The following SFPQ variants were observed in gnomAD, a reference collection of about 807,000 sequenced individuals.
SFPQ encodes splicing factor, proline- and glutamine-rich.
SFPQ carries 11 observed loss-of-function variants against 72.9 expected under a neutral mutation model. The observed-to-expected ratio is 0.15, with a 90% CI of 0.09 to 0.25. SFPQ has a LOEUF of 0.25. Ranked by LOEUF, SFPQ falls within the 10% of genes least tolerant of loss-of-function variation. SFPQ has a pLI of 1.00. For synonymous variants in SFPQ, 506 were observed against 367.3 expected (o/e 1.38, Z -4.32); for missense variants, 847 against 993.3 (o/e 0.85, Z 1.98).
At chr1:35,190,419 C>A in intron 4 of SFPQ, 79 bp downstream of exon 4, 1 of 1,033,294 alleles carries the variant, frequency 9.7e-7, no homozygotes, top group Non-Finnish European at 1.4e-6. Context: ...ATATTTTAAG[C>A]AAAATTGGAA....
At chr1:35,191,771 G>C (rs112202602) in intron 1 of SFPQ, among the ~76,000 whole-genome samples, 4 of 147,946 alleles carry the variant, frequency 2.7e-5, no homozygotes, top group Admixed American at 6.7e-5. Flanking sequence ...ATCAGCAACT[G>C]TCACCCACAT....
At position 35,190,610 on chromosome 1, in the gene SFPQ, T is replaced by C. The variant is rs1411178735; in HGVS notation, c.1320-17A>G. The stretch of plus-strand genomic sequence containing the variant: ...CGAGGAGTTCTAATAACAAAAATGG[T>C]TCCATCTTAGCTTTGTTCCAGTTTT... On this transcript the variant is annotated splice_polypyrimidine_tract_variant and intron_variant, in intron 3 of 9. Transcript: ENST00000357214. 6.2e-7 allele frequency: 1 copy of C among 1,609,660 alleles called. No individual in the cohort carries two copies. The highest frequency in any genetic ancestry group is 8.5e-7 in the Non-Finnish European group (1 of 1,176,932).
chr1:35,191,220 T>C (rs1166124542), intron 2 of SFPQ, 121 bp downstream of exon 2: 2 of 922,308 alleles, frequency 2.2e-6, no homozygotes, highest in African/African-American at 1.7e-5. Context: ...GTAAGAATGG[T>C]GAAAAATCTA....
intron 5 of SFPQ, 39 bp from the exon 6 acceptor site, chr1:35,189,126 T>TGAA (rs1639870008): frequency 1.2e-6 from 2 of 1,613,178 alleles, no homozygotes; most frequent in Non-Finnish European, 1.7e-6. Flanking sequence ...ATTAACAAGG[T>TGAA]TCTAATAAGG....
chr1:35,191,546 G>A lies in SFPQ; in HGVS notation c.829-17C>T, dbSNP rs756851336. The stretch of plus-strand genomic sequence containing the variant: ...TTTAAACCCCTAATGAAAAAGGAAA[G>A]AAGTTTTCAAACACCAGAGACCTCT... On this transcript the variant is annotated splice_polypyrimidine_tract_variant and intron_variant, in intron 1 of 9. Coordinates refer to ENST00000357214, the MANE Select transcript of SFPQ (RefSeq NM_005066.3). 8.1e-6 allele frequency: 13 copies of A among 1,597,406 alleles called. No homozygotes were observed. In the African/African-American group the frequency reaches 9.5e-5, roughly 12 times the overall value.
At chr1:35,180,743 TAG>T (rs1329567602), downstream of SFPQ, 6 of 1,060,338 alleles carry the variant, frequency 5.7e-6, no homozygotes, top group African/African-American at 6.6e-5. Context: ...TTTGCTACAA[TAG>T]AGACTAATTA....
chr1:35,183,540 C>G lies in SFPQ; in HGVS notation c.*916G>C. The G allele has an allele frequency of 9.8e-7, 1 of 1,015,878 alleles. No individual in the cohort carries two copies. Among genetic ancestry groups the G allele is most frequent in the Non-Finnish European group, 1.2e-6 (1 of 847,680 alleles). The allele number at this position is 1,015,878 out of a possible 1,614,324, so 62.9% of individuals were successfully genotyped here. On this transcript the variant is annotated 3_prime_UTR_variant, in exon 10 of 10. Coordinates refer to ENST00000357214, the MANE Select transcript of SFPQ (RefSeq NM_005066.3). ...CCCAGTTACTAAACCTTCTTACTTT[C>G]AAGTTTTGTTTTTTAGACTACACCC...
rs1640086206 is a variant in SFPQ, at chr1:35,192,641, G to A, written c.409C>T (p.Pro137Ser). The change falls in exon 1 of 10, where the codon CCA (proline) becomes TCA (serine). Residue 137 changes from proline (P) to serine (S), a missense_variant. By Grantham distance (74) the Pro-to-Ser change is moderately conservative. Around this residue, in one of 6 missense-constraint regions of SFPQ, gnomAD observed 498 missense variants for 405.1 expected, o/e 1.23. Transcript: ENST00000357214. The part of the protein sequence containing the change: ...ASSSAPPATP[P>S]TSGAPPGSGP... The stretch of plus-strand genomic sequence containing the variant: ...GACCCTGGCGGGGCCCCCGAGGTTG[G>A]TGGAGTGGCGGGCGGGGCCGAGCTG... 26 of 1,383,212 alleles carry A rather than the reference G, an allele frequency of 1.9e-5. No individual in the cohort carries two copies. The highest frequency in any genetic ancestry group is 2.4e-5 in the Non-Finnish European group (26 of 1,078,220). The allele number at this position is 1,383,212 out of a possible 1,614,324, so 85.7% of individuals were successfully genotyped here.
At chr1:35,180,230 T>TA (rs1639411590), downstream of SFPQ, 1 of 1,051,598 alleles carries the variant, frequency 9.5e-7, no homozygotes, top group Non-Finnish European at 1.1e-6. Flanking sequence ...GCATGCTAGC[T>TA]AAAACCAGTT....
chr1:35,180,597 T>G, downstream of SFPQ: 1 of 1,049,300 alleles, frequency 9.5e-7, no homozygotes, highest in Non-Finnish European at 1.2e-6. Flanking sequence ...AACAATGGTG[T>G]TTTCATGAAG....
chr1:35,190,897 GGCA>G lies in SFPQ; in HGVS notation c.1113_1115del (p.Ala372del). 1 of 1,614,156 alleles carries G rather than the reference GGCA, an allele frequency of 6.2e-7. No individual in the cohort carries two copies. The highest frequency in any genetic ancestry group is 8.5e-7 in the Non-Finnish European group (1 of 1,180,032). ...AAGGTGAAAGATTACGAACAGAAAG[GGCA>G]GCAGCATGTGTGGCAAAGCGAACTC... On this transcript the variant is annotated inframe_deletion, in exon 3 of 10. Coordinates refer to ENST00000357214, the MANE Select transcript of SFPQ (RefSeq NM_005066.3).
At chr1:35,192,073 G>A in intron 1 of SFPQ, 149 bp downstream of exon 1, 2 of 498,806 alleles carry the variant, frequency 4.0e-6, no homozygotes, top group Non-Finnish European at 6.1e-6. Context: ...GCCGACCGAC[G>A]GCCCCGCAGG....
chr1:35,181,058 G>A (rs893246231), downstream of SFPQ: 6 of 1,065,006 alleles, frequency 5.6e-6, no homozygotes. Flanking sequence ...TTCATTGTCA[G>A]AAATGTGATG....
chr1:35,178,544 T>C (rs1236294797), downstream of SFPQ: 10 of 1,060,526 alleles, frequency 9.4e-6, no homozygotes, highest in African/African-American at 1.6e-5. Flanking sequence ...CTGCAATCCT[T>C]TGTATTTACC....
intron 7 of SFPQ, 90 bp downstream of exon 7, chr1:35,187,883 A>C (rs1639801912): frequency 1.3e-6 from 1 of 783,780 alleles, no homozygotes; most frequent in Non-Finnish European, 2.2e-6. Context: ...AAATAACTGT[A>C]ATTTGATATT....
Position 35,183,979 on chromosome 1 carries a change from T to C in SFPQ, c.*477A>G, listed in dbSNP as rs1260461130. On this transcript the variant is annotated 3_prime_UTR_variant, in exon 10 of 10. Coordinates refer to ENST00000357214, the MANE Select transcript of SFPQ (RefSeq NM_005066.3). ...TTAAAACAAAGGGGGCAATTATTTG[T>C]AGAAAGCAATACTTAGCCTCCAGAT... 3 of 1,054,504 alleles carry C rather than the reference T, an allele frequency of 2.8e-6. No homozygotes were observed. The highest frequency in any genetic ancestry group is 3.3e-5 in the African/African-American group (2 of 60,450). The allele number at this position is 1,054,504 out of a possible 1,614,324, so 65.3% of individuals were successfully genotyped here. A position where few individuals can be genotyped will look rare whatever the true frequency, so the allele number is the denominator to read the frequency against.
chr1:35,185,586 T>A (rs1639671866), intron 9 of SFPQ, among the ~76,000 whole-genome samples: 1 of 152,212 alleles, frequency 6.6e-6, no homozygotes, highest in Non-Finnish European at 1.5e-5. Flanking sequence ...CCTACACTTT[T>A]TCTCATTCCA....
chr1:35,184,134 C>G lies in SFPQ; in HGVS notation c.*322G>C, dbSNP rs530174911. ...GAAGATCAATATTATAACTATTTTT[C>G]TATTTATTTGAAGCACAGTAAAAAA... On this transcript the variant is annotated 3_prime_UTR_variant, in exon 10 of 10. Transcript: ENST00000357214. 1.3e-4 allele frequency: 143 copies of G among 1,136,844 alleles called. 1 individual carries two copies. The Middle Eastern group carries it at 2.6e-3, about 20-fold the overall frequency. The allele number at this position is 1,136,844 out of a possible 1,614,324, so 70.4% of individuals were successfully genotyped here.
chr1:35,190,444 ATT>A, intron 4 of SFPQ, 52 bp downstream of exon 4: 1 of 1,268,652 alleles, frequency 7.9e-7, no homozygotes, highest in East Asian at 2.4e-5. Context: ...ACTAAAATAA[ATT>A]TAACCTTTAC....
Sources: gnomAD v4.1 joint callset for allele counts (sites outside exome capture counted in the v4.1 genomes callset) on GRCh38, gnomAD v4.1.1 for gene constraint, gnomAD v4.1.1 regional missense constraint, MANE v1.5 for transcripts, NCBI Gene and HGNC (gene_info 2026-07-23, HGNC 2026-07-21) for gene names.